The following KTN1 variants were observed in gnomAD, a reference collection of about 807,000 sequenced individuals.
The protein encoded by KTN1 is kinectin 1.
Under a neutral mutation model 222.5 loss-of-function variants are expected in KTN1, and 130 were observed. The ratio of observed to expected loss-of-function variants is 0.58; its 90% CI spans 0.51 to 0.68. The LOEUF is 0.68. Among genes scored for constraint, KTN1 ranks in the 30% least tolerant of loss-of-function variants. The pLI is 0.00. For missense variants in KTN1, 1,508 were observed against 1,500.4 expected (o/e 1.01, Z -0.08); for synonymous variants, 512 against 496.3 (o/e 1.03, Z -0.42).
At chr14:55,653,919 G>A (rs1445705923) in intron 28 of KTN1, among the ~76,000 whole-genome samples, 2 of 152,036 alleles carry the variant, frequency 1.3e-5, no homozygotes, top group Non-Finnish European at 2.9e-5. Flanking sequence ...TATTTCAAAT[G>A]AAAATTAGTA....
chr14:55,641,632 A>G, intron 17 of KTN1, 60 bp from the exon 18 acceptor site: 1 of 1,059,994 alleles, frequency 9.4e-7, no homozygotes, highest in Non-Finnish European at 1.5e-6. Flanking sequence ...AACCCATTCA[A>G]ATGATTGCTT....
intron 8 of KTN1, 77 bp downstream of exon 8, chr14:55,633,418 G>T: frequency 2.5e-6 from 2 of 810,606 alleles, no homozygotes; most frequent in Non-Finnish European, 3.7e-6. Flanking sequence ...AATAGCGTTT[G>T]ATAGTAATTG....
At chr14:55,640,574 A>G (rs1018234306) in intron 15 of KTN1, 132 bp downstream of exon 15, 13 of 645,238 alleles carry the variant, frequency 2.0e-5, no homozygotes, top group Non-Finnish European at 2.7e-6. Flanking sequence ...TGGCTGCATG[A>G]TTTGATGTTA....
chr14:55,663,817 G>T (rs2044405511), intron 32 of KTN1, 138 bp from the exon 33 acceptor site: 3 of 569,018 alleles, frequency 5.3e-6, no homozygotes, highest in Non-Finnish European at 9.4e-6. Flanking sequence ...TTATTTTTTT[G>T]CTAATATGCA....
intron 25 of KTN1, among the ~76,000 whole-genome samples, 163 bp from the exon 26 acceptor site, chr14:55,652,687 C>T (rs1216211887): frequency 6.6e-6 from 1 of 152,230 alleles, no homozygotes; most frequent in African/African-American, 2.4e-5. Flanking sequence ...GCGTGAGCCA[C>T]TGCGCCTGGC....
At chr14:55,598,371 C>G (rs1053647549) in intron 1 of KTN1, among the ~76,000 whole-genome samples, 7 of 147,886 alleles carry the variant, frequency 4.7e-5, no homozygotes, top group Non-Finnish European at 1.0e-4. Flanking sequence ...GGAGGCGGAG[C>G]TTGCAGTGAG....
intron 18 of KTN1, among the ~76,000 whole-genome samples, chr14:55,646,466 TTTCCTTTCCTTTCC>T (rs1566788253): frequency 3.4e-4 from 18 of 52,594 alleles, no homozygotes; most frequent in South Asian, 1.2e-3. Context: ...TTCCTTTTCC[TTTCCTTTCCTTTCC>T]TTTCCTTTCC....
chr14:55,594,567 G>C (rs2034707626), intron 1 of KTN1, among the ~76,000 whole-genome samples: 1 of 125,846 alleles, frequency 7.9e-6, no homozygotes, highest in African/African-American at 3.0e-5. Flanking sequence ...ATTTTTGCTT[G>C]TTGTCTCCAA....
At chr14:55,600,241 AT>A (rs577804397) in intron 1 of KTN1, among the ~76,000 whole-genome samples, 96 of 151,958 alleles carry the variant, frequency 6.3e-4, no homozygotes, top group African/African-American at 2.1e-3. Flanking sequence ...TTAATATTTT[AT>A]TAATTAACCC....
chr14:55,673,033 T>A, intron 39 of KTN1, 21 bp downstream of exon 39: 2 of 1,583,476 alleles, frequency 1.3e-6, no homozygotes, highest in African/African-American at 1.3e-5. Context: ...CAGAATCTTT[T>A]CAAACTTGCT....
At chr14:55,587,535 A>G (rs759216999) in intron 1 of KTN1, among the ~76,000 whole-genome samples, 1 of 152,224 alleles carries the variant, frequency 6.6e-6, no homozygotes, top group Non-Finnish European at 1.5e-5. Context: ...ATGTTGCAGA[A>G]CGTTGAAGAT....
At chr14:55,593,754 T>C (rs980906347) in intron 1 of KTN1, among the ~76,000 whole-genome samples, 21 of 152,176 alleles carry the variant, frequency 1.4e-4, no homozygotes, top group African/African-American at 4.3e-4. Context: ...CTTTTTTTTT[T>C]CTCCAGGCTT....
At position 55,659,648 on chromosome 14, in the gene KTN1, A is replaced by G; in HGVS notation, c.2962-18A>G. 6.9e-6 allele frequency: 10 copies of G among 1,442,404 alleles called. No individual in the cohort carries two copies. Among genetic ancestry groups the G allele is most frequent in the Non-Finnish European group, 9.7e-6 (10 of 1,026,698 alleles). 89.4% of individuals were successfully genotyped at this position (1,442,404 alleles called of 1,614,324 possible). On this transcript the variant is annotated intron_variant, in intron 30 of 43. Coordinates refer to ENST00000395314, the MANE Select transcript of KTN1 (RefSeq NM_001079521.2). ...CTGAAAAGTTTTGTTCTGAAATAAC[A>G]TTTAACTCTTTTGATAGGCATCTTC...
In KTN1 at chr14:55,612,361, G is replaced by T; in HGVS notation, c.313G>T (p.Val105Phe). 1.2e-6 allele frequency: 2 copies of T among 1,614,010 alleles called. No homozygotes were observed. The highest frequency in any genetic ancestry group is 2.2e-5 in the South Asian group (2 of 91,070). The change falls in exon 2 of 44, where the codon GTT becomes TTT. Residue 105 changes from valine to phenylalanine, a missense_variant. Coordinates refer to ENST00000395314, the MANE Select transcript of KTN1 (RefSeq NM_001079521.2). ...AGTTGCACCTGTTCCATTGAATGTC[G>T]TTGAAACTTCAAGTAGTGTTAGGGA... ...DQVAPVPLNVVETSSSVRERK... is the reference protein window; with the variant it reads ...DQVAPVPLNVFETSSSVRERK...
chr14:55,681,941 T>TA (rs1253196237), intron 43 of KTN1: 2 of 152,170 alleles, frequency 1.3e-5, no homozygotes, highest in African/African-American at 4.8e-5. Context: ...ATACTCTATT[T>TA]AAACTGACAC....
intron 41 of KTN1, 87 bp from the exon 42 acceptor site, chr14:55,678,265 A>G: frequency 4.8e-6 from 4 of 834,960 alleles, no homozygotes; most frequent in Non-Finnish European, 7.7e-6. Flanking sequence ...AGGAGCTTTT[A>G]TCTTCTACAA....
chr14:55,653,529 C>T, intron 27 of KTN1, 30 bp from the exon 28 acceptor site: 3 of 1,564,452 alleles, frequency 1.9e-6, no homozygotes, highest in Non-Finnish European at 1.8e-6. Flanking sequence ...TTAATGCTAA[C>T]AGCATTAAAA....
Position 55,684,333 on chromosome 14 carries a change from A to ACCTTTACATT in KTN1, c.*234_*243dup. 2.5e-6 allele frequency: 1 copy of ACCTTTACATT among 394,976 alleles called. No homozygotes were observed. The highest frequency in any genetic ancestry group is 4.5e-6 in the Non-Finnish European group (1 of 222,618). The allele number at this position is 394,976 out of a possible 1,614,324, so 24.5% of individuals were successfully genotyped here. Reference sequence around the variant, plus strand: ...TAATAAAAACTGTTTGAATAATTAGACCTTTACATTCCTGAAGATAAACAT... The same window carrying ACCTTTACATT: ...TAATAAAAACTGTTTGAATAATTAGACCTTTACATTCCTTTACATTCCTGAAGATAAACAT... On this transcript the variant is annotated 3_prime_UTR_variant, in exon 44 of 44. Coordinates refer to ENST00000395314, the MANE Select transcript of KTN1 (RefSeq NM_001079521.2).
intron 31 of KTN1, 43 bp from the exon 32 acceptor site, chr14:55,661,479 G>A (rs1444996687): frequency 9.6e-7 from 1 of 1,041,772 alleles, no homozygotes; most frequent in South Asian, 1.3e-5. Context: ...TTGTATTACT[G>A]TTTACCTAAA....
Sources: gnomAD v4.1 joint callset for allele counts (sites outside exome capture counted in the v4.1 genomes callset) on GRCh38, gnomAD v4.1.1 for gene constraint, MANE v1.5 for transcripts, NCBI Gene and HGNC (gene_info 2026-07-23, HGNC 2026-07-21) for gene names.